Variants in UBR2 observed in about 807,000 individuals in gnomAD.
The protein encoded by UBR2 is ubiquitin protein ligase E3 component n-recognin 2.
In UBR2, 92 loss-of-function variants were observed where a neutral mutation model predicts 247.9. That is an observed-to-expected ratio of 0.37 (90% CI 0.31 to 0.44). The LOEUF is 0.44. UBR2 is among the 20% of genes least tolerant of loss of function. UBR2 has a pLI of 1.00. For missense variants in UBR2, 1,613 were observed against 2,112.6 expected (o/e 0.76, Z 4.64); for synonymous variants, 672 against 693.5 (o/e 0.97, Z 0.49).
At chr6:42,651,603 G>A (rs1322134153) in intron 23 of UBR2, among the ~76,000 whole-genome samples, 1 of 151,952 alleles carries the variant, frequency 6.6e-6, no homozygotes, top group African/African-American at 2.4e-5. Context: ...CAATTATCCT[G>A]CCCCAGCCTT....
rs1254169832 is a variant in UBR2 at position 42,615,753 on chromosome 6, A to ATCTCTTT, written c.1094-249_1094-248insTCTCTTT. ...AGCCTGGGCAACAAAGCAAGACCCT[A>ATCTCTTT]AAAAAAAAAAAAAATGCTGTGTTGG... On this transcript the variant is annotated intron_variant, in intron 9 of 46. Coordinates refer to ENST00000372901, the MANE Select transcript of UBR2 (RefSeq NM_001363705.2). Among the ~76,000 whole-genome samples, 946 of 132,496 alleles carry ATCTCTTT rather than the reference A, an allele frequency of 7.1e-3. 10 individuals are homozygous for ATCTCTTT. The highest frequency in any genetic ancestry group is 0.028 in the African/African-American group (913 of 32,136). The allele number at this position is 132,496 out of a possible 152,430, so 86.9% of individuals were successfully genotyped here. A position where few individuals can be genotyped will look rare whatever the true frequency, so the allele number is the denominator to read the frequency against.
At chr6:42,632,925 T>C (rs1252262574) in intron 13 of UBR2, 21 bp downstream of exon 13, 1 of 1,418,060 alleles carries the variant, frequency 7.1e-7, no homozygotes, top group Non-Finnish European at 9.4e-7. Flanking sequence ...ACTGTTACAC[T>C]TTTCTTTTTC....
At position 42,684,863 on chromosome 6, in the gene UBR2, C is replaced by T; in HGVS notation, c.4845C>T (p.Ser1615=). 6.2e-7 allele frequency: 1 copy of T among 1,611,850 alleles called. No homozygotes were observed. Among genetic ancestry groups the T allele is most frequent in the Non-Finnish European group, 8.5e-7 (1 of 1,178,696 alleles). The change falls in exon 44 of 47, where the codon TCC becomes TCT. Residue 1615 remains serine (S), a synonymous_variant. Coordinates refer to ENST00000372901, the MANE Select transcript of UBR2 (RefSeq NM_001363705.2). ...EDYSSLINQA[S]NFSCPKSGGD... ...ACAGCAGCCTCATTAATCAAGCATC[C>T]AATTTCTCGTAAGTTTTGCTGTTAG...
In UBR2 at chr6:42,666,244, A is replaced by G. The variant is rs1562380179; in HGVS notation, c.3880A>G (p.Lys1294Glu). Reference sequence around the variant, plus strand: ...AGGGTTCAGGCCTGATTTTCGTCCTAAGTGAGTATATTATTTTACTCCTTT... The same window carrying G: ...AGGGTTCAGGCCTGATTTTCGTCCTGAGTGAGTATATTATTTTACTCCTTT... ...PEGFRPDFRP[K>E]IPYSESIKEM... is the part of the protein sequence containing the mutation. The change falls in exon 34 of 47, where the codon AAG becomes GAG. Residue 1294 changes from lysine (K) to glutamate (E), a missense_variant and splice_region_variant. Physicochemically the swap from Lys to Glu is moderately conservative, Grantham distance 56. Transcript: ENST00000372901. 3.7e-6 allele frequency: 6 copies of G among 1,604,764 alleles called. No individual in the cohort carries two copies. The highest frequency in any genetic ancestry group is 2.2e-5 in the East Asian group (1 of 44,792).
In UBR2 at chr6:42,616,006, T is replaced by G. The variant is rs758966369; in HGVS notation, c.1098T>G (p.Ala366=). 1.9e-6 allele frequency: 3 copies of G among 1,600,060 alleles called. No individual in the cohort carries two copies. In the South Asian group the frequency reaches 3.4e-5, roughly 18 times the overall value. Reference sequence around the variant, plus strand: ...ACCGTGATCTTTTTCTACAAGGTGCTAGGAGTGTATATCATCAGTTGTTCA... The same window carrying G: ...ACCGTGATCTTTTTCTACAAGGTGCGAGGAGTGTATATCATCAGTTGTTCA... ...MLSDSKLWKG[A]RSVYHQLFMS... Residue 366 remains alanine (A), a synonymous_variant, in exon 10 of 47, where the codon GCT becomes GCG. Transcript: ENST00000372901.
chr6:42,688,512 C>T (rs563687133), intron 45 of UBR2, 126 bp downstream of exon 45: 20 of 1,126,948 alleles, frequency 1.8e-5, no homozygotes, highest in African/African-American at 9.4e-5. Context: ...ATTCCAGAAA[C>T]GTGGAGCTCC....
chr6:42,614,226 A>G (rs1582535509), intron 8 of UBR2, among the ~76,000 whole-genome samples: 1 of 88,072 alleles, frequency 1.1e-5, no homozygotes, highest in African/African-American at 4.0e-5. Flanking sequence ...ATACACACAC[A>G]CACACACACA....
Position 42,644,198 on chromosome 6 carries a change from T to TA in UBR2, c.2098-2dup, listed in dbSNP as rs762436980. 0.11 allele frequency: 139,507 copies of TA among 1,256,432 alleles called. 191 individuals carry two copies. The highest frequency in any genetic ancestry group is 0.15 in the East Asian group (5,803 of 37,598). The allele number at this position is 1,256,432 out of a possible 1,614,324, so 77.8% of individuals were successfully genotyped here. On this transcript the variant is annotated splice_polypyrimidine_tract_variant and intron_variant, in intron 18 of 46. Coordinates refer to ENST00000372901, the MANE Select transcript of UBR2 (RefSeq NM_001363705.2). ...TCCTCTTTTCCTTTATCTCAAACATTAAAAAAAAAAAAAAGACAGGTGTCT... is the reference window on the plus strand; with the variant it reads ...TCCTCTTTTCCTTTATCTCAAACATTAAAAAAAAAAAAAAAGACAGGTGTCT...
chr6:42,615,323 T>C (rs1794473215), intron 9 of UBR2, 145 bp downstream of exon 9: 1 of 513,844 alleles, frequency 1.9e-6, no homozygotes, highest in Non-Finnish European at 3.1e-6. Flanking sequence ...TTGAAAAATA[T>C]AGATTTGGTG....
chr6:42,650,600 A>AT (rs796089253), intron 23 of UBR2, among the ~76,000 whole-genome samples: 8 of 151,706 alleles, frequency 5.3e-5, no homozygotes, highest in African/African-American at 1.9e-4. Flanking sequence ...TCTGGCTTGA[A>AT]TTTTTTTTTC....
chr6:42,629,499 G>C (rs866178543), intron 11 of UBR2, among the ~76,000 whole-genome samples: 2 of 151,952 alleles, frequency 1.3e-5, no homozygotes, highest in African/African-American at 4.8e-5. Flanking sequence ...ACTAAATATA[G>C]GTAAAAAATT....
rs201169230 is a variant in UBR2, at chr6:42,648,136, A to G, written c.2428A>G (p.Met810Val). The G allele has an allele frequency of 1.1e-5, 18 of 1,613,918 alleles. No homozygotes were observed. Among genetic ancestry groups the G allele is most frequent in the Middle Eastern group, 3.3e-4 (2 of 6,082 alleles). ...LPEDENKETG[M>V]ESVIEAVAHF... ...CCTTTAGGAGAACAAGGAGACTGGC[A>G]TGGAGAGTGTAATCGAAGCAGTTGC... is the stretch of plus-strand genomic sequence containing the variant. Residue 810 changes from methionine (M) to valine (V), a missense_variant, in exon 22 of 47, where the codon ATG becomes GTG. Physicochemically the swap from Met to Val is conservative, Grantham distance 21 (BLOSUM62 1). Coordinates refer to ENST00000372901, the MANE Select transcript of UBR2 (RefSeq NM_001363705.2).
chr6:42,566,010 T>A (rs1277769684), intron 1 of UBR2, among the ~76,000 whole-genome samples: 2 of 152,168 alleles, frequency 1.3e-5, no homozygotes, highest in Non-Finnish European at 2.9e-5. Context: ...AAGTAAACTG[T>A]TAAATAATAA....
chr6:42,644,381 A>G (rs1426438716), intron 19 of UBR2, 45 bp downstream of exon 19: 1 of 1,606,748 alleles, frequency 6.2e-7, no homozygotes, highest in Admixed American at 1.7e-5. Flanking sequence ...CTAAAGAAGC[A>G]TCTTTCCTTC....
intron 13 of UBR2, chr6:42,634,337 T>C: frequency 2.7e-6 from 1 of 365,736 alleles, no homozygotes; most frequent in Non-Finnish European, 5.3e-6. Flanking sequence ...AGGTGACGTC[T>C]CTAAAAATCT....
intron 4 of UBR2, among the ~76,000 whole-genome samples, chr6:42,594,946 G>A (rs1426761889): frequency 6.6e-6 from 1 of 151,952 alleles, no homozygotes; most frequent in Non-Finnish European, 1.5e-5. Context: ...TCACTTAACT[G>A]TAATTATACA....
At chr6:42,617,126 ATTG>A (rs1292715198) in intron 10 of UBR2, 2 of 827,554 alleles carry the variant, frequency 2.4e-6, no homozygotes, top group African/African-American at 3.4e-5. Flanking sequence ...CATTCCAGTT[ATTG>A]TTCTCATAGC....
rs779799902 is a variant in UBR2, at chr6:42,645,610, A to G, written c.2409+20A>G. 2 of 1,608,532 alleles carry G rather than the reference A, an allele frequency of 1.2e-6. No homozygotes were observed. The highest frequency in any genetic ancestry group is 2.7e-5 in the African/African-American group (2 of 74,374). On this transcript the variant is annotated intron_variant, in intron 21 of 46. Transcript: ENST00000372901. ...GAAGATGTAAGTACCTACATTTCTA[A>G]AAAGAAAACCATAGAAACTTTTCCC...
At chr6:42,574,736 C>A (rs1361292661) in intron 2 of UBR2, among the ~76,000 whole-genome samples, 2 of 151,516 alleles carry the variant, frequency 1.3e-5, no homozygotes, top group Non-Finnish European at 2.9e-5. Context: ...TGCCCTGTCA[C>A]CCAGGCTGGA....
Sources: gnomAD v4.1 joint callset for allele counts (sites outside exome capture counted in the v4.1 genomes callset) on GRCh38, gnomAD v4.1.1 for gene constraint, MANE v1.5 for transcripts, NCBI Gene and HGNC (gene_info 2026-07-23, HGNC 2026-07-21) for gene names.